The following BMP8A variants were observed in gnomAD, a reference collection of about 807,000 sequenced individuals.
The protein encoded by BMP8A is bone morphogenetic protein 8a.
Under a neutral mutation model 36.8 loss-of-function variants are expected in BMP8A, and 14 were observed. The ratio of observed to expected loss-of-function variants is 0.38; its 90% CI spans 0.25 to 0.60. BMP8A has a LOEUF of 0.60. Among genes scored for constraint, BMP8A ranks in the 20% least tolerant of loss-of-function variants. The pLI is 0.63. For synonymous variants in BMP8A, 120 were observed against 237.7 expected, an observed-to-expected ratio of 0.50 and a Z score of 4.55; for missense variants, 267 against 551.1, an observed-to-expected ratio of 0.48 and a Z score of 5.16.
At chr1:39,514,483 G>A (rs1645380262) in intron 3 of BMP8A, among the ~76,000 whole-genome samples, 2 of 150,856 alleles carry the variant, frequency 1.3e-5, no homozygotes, top group African/African-American at 2.5e-5. Flanking sequence ...CTCACTCTCC[G>A]GGTTGTCACA....
rs1247356146 is a variant in BMP8A at position 39,508,098 on chromosome 1, A to C, written c.335-3076A>C. ...AACCCTGTCTCTACTAAAAATACAAAAAATTAGCTAGGCGTGGTTGCTGGC... is the reference window on the plus strand; with the variant it reads ...AACCCTGTCTCTACTAAAAATACAACAAATTAGCTAGGCGTGGTTGCTGGC... On this transcript the variant is annotated intron_variant, in intron 1 of 6. Transcript: ENST00000331593. Among the ~76,000 whole-genome samples the C allele has an allele frequency of 8.5e-5, 13 of 152,240 alleles. 1 individual carries two copies.
At chr1:39,503,597 C>A (rs1225417538) in intron 1 of BMP8A, among the ~76,000 whole-genome samples, 1 of 145,848 alleles carries the variant, frequency 6.9e-6, no homozygotes, top group Non-Finnish European at 1.5e-5. Context: ...TCACTGCAAC[C>A]TCTACCTCCC....
In BMP8A at chr1:39,515,772, T is replaced by C; in HGVS notation, c.673+3868T>C. The C allele has an allele frequency of 8.8e-6, 14 of 1,592,466 alleles. 2 individuals are homozygous for C. In the Middle Eastern group the frequency reaches 5.0e-4, roughly 57 times the overall value. ...AAGGGGCAGAAATACGAGAAACGAA[T>C]TGAGCGCTTAACGATCCGGAAAGAG... On this transcript the variant is annotated intron_variant, in intron 3 of 6. Coordinates refer to ENST00000331593, the MANE Select transcript of BMP8A (RefSeq NM_181809.4).
intron 1 of BMP8A, among the ~76,000 whole-genome samples, chr1:39,499,002 G>A (rs1291189128): frequency 2.0e-5 from 3 of 152,372 alleles, no homozygotes; most frequent in Non-Finnish European, 4.4e-5. Context: ...AGAAGGGGCC[G>A]GGGCACCCCC....
In BMP8A at chr1:39,509,963, G is replaced by C. The variant is rs141161694; in HGVS notation, c.335-1211G>C. On this transcript the variant is annotated intron_variant, in intron 1 of 6. Coordinates refer to ENST00000331593, the MANE Select transcript of BMP8A (RefSeq NM_181809.4). ...TTTCCGGACACCTGGGGAAATGTGG[G>C]CTTTATTCCGCAACTACAGCCTTTG... Among the ~76,000 whole-genome samples, 730 of 152,166 alleles carry C rather than the reference G, an allele frequency of 4.8e-3. 3 individuals are homozygous for C. Among genetic ancestry groups the C allele is most frequent in the African/African-American group, 0.017 (696 of 41,540 alleles).
intron 1 of BMP8A, among the ~76,000 whole-genome samples, chr1:39,498,413 C>G (rs911664174): frequency 1.3e-5 from 2 of 152,232 alleles, no homozygotes; most frequent in Admixed American, 1.3e-4. Flanking sequence ...CTCCTGGGAT[C>G]TATTCTTGGC....
intron 1 of BMP8A, among the ~76,000 whole-genome samples, chr1:39,501,610 CA>C (rs1645254321): frequency 6.6e-6 from 1 of 152,192 alleles, no homozygotes; most frequent in African/African-American, 2.4e-5. Flanking sequence ...CAGCTCACTG[CA>C]ACCTCTGATG....
intron 1 of BMP8A, among the ~76,000 whole-genome samples, chr1:39,503,845 G>A (rs1024168650): frequency 1.3e-5 from 2 of 152,098 alleles, no homozygotes; most frequent in Non-Finnish European, 2.9e-5. Flanking sequence ...GGAGGCTGAG[G>A]TGGGAGGATC....
chr1:39,506,134 G>A (rs1210991351), intron 1 of BMP8A, among the ~76,000 whole-genome samples: 2 of 152,116 alleles, frequency 1.3e-5, no homozygotes, highest in Non-Finnish European at 2.9e-5. Flanking sequence ...ACAGAAAAAG[G>A]ATATTAGTAG....
rs575672357 is a variant in BMP8A at position 39,526,659 on chromosome 1, G to A, written c.*861G>A. On this transcript the variant is annotated 3_prime_UTR_variant, in exon 7 of 7. Coordinates refer to ENST00000331593, the MANE Select transcript of BMP8A (RefSeq NM_181809.4). ...GGCCACTGGGGATATTTTATGTCAT[G>A]TGTATTCCCTTGCCCTGGGCCTGCC... is the stretch of plus-strand genomic sequence containing the variant. Among the ~76,000 whole-genome samples, 1 of 152,304 alleles carries A rather than the reference G, an allele frequency of 6.6e-6. No homozygotes were observed. The highest frequency in any genetic ancestry group is 1.9e-4 in the East Asian group (1 of 5,182).
chr1:39,494,542 G>A (rs1018007457), intron 1 of BMP8A, among the ~76,000 whole-genome samples: 3 of 151,708 alleles, frequency 2.0e-5, no homozygotes, highest in Non-Finnish European at 2.9e-5. Context: ...TTGTAGAGAC[G>A]GGGAGTCTCA....
In BMP8A at chr1:39,523,654, TC is replaced by T. The variant is rs1318757330; in HGVS notation, c.1059+538del. 3.5e-5 allele frequency: 51 copies of T among 1,454,716 alleles called. No individual in the cohort carries two copies. The Admixed American group carries it at 3.6e-4, about 10-fold the overall frequency. 90.1% of individuals were successfully genotyped at this position (1,454,716 alleles called of 1,614,324 possible). ...GTTTCTCTCTTGGCTGTCTGTGTTT[TC>T]TCTGGATCCCCTGGCTTTTGATGCC... On this transcript the variant is annotated intron_variant, in intron 6 of 6. Transcript: ENST00000331593.
Position 39,491,870 on chromosome 1 carries a change from G to A in BMP8A, c.-122G>A, listed in dbSNP as rs1645160658. The A allele has an allele frequency of 3.4e-6, 3 of 889,578 alleles. No homozygotes were observed. Among genetic ancestry groups the A allele is most frequent in the East Asian group, 1.0e-4 (1 of 9,958 alleles). 55.1% of individuals were successfully genotyped at this position (889,578 alleles called of 1,614,324 possible). A position where few individuals can be genotyped will look rare whatever the true frequency, so the allele number is the denominator to read the frequency against. On this transcript the variant is annotated 5_prime_UTR_variant, in exon 1 of 7. Coordinates refer to ENST00000331593, the MANE Select transcript of BMP8A (RefSeq NM_181809.4). ...CAGGGACCGCGCTGAGGCCGCAGAC[G>A]CCGCCCGCCGAGCCCCGCCCCCTGC...
At chr1:39,523,460 G>T in intron 6 of BMP8A, 2 of 1,246,608 alleles carry the variant, frequency 1.6e-6, no homozygotes, top group East Asian at 2.8e-5. Context: ...ACTGTGTGGG[G>T]GCTGTGTGAT....
At chr1:39,494,467 C>T (rs1645187955) in intron 1 of BMP8A, among the ~76,000 whole-genome samples, 2 of 151,836 alleles carry the variant, frequency 1.3e-5, no homozygotes, top group African/African-American at 4.8e-5. Context: ...CTTCCTCCCT[C>T]AGCCTCCCCA....
In BMP8A at chr1:39,526,048, T is replaced by G; in HGVS notation, c.*250T>G. Reference sequence around the variant, plus strand: ...CAGCAGCCTCAGAGCCTGTGCTGACTGCACTGTCTGGAGTCAGCACAGAAG... The same window carrying G: ...CAGCAGCCTCAGAGCCTGTGCTGACGGCACTGTCTGGAGTCAGCACAGAAG... On this transcript the variant is annotated 3_prime_UTR_variant, in exon 7 of 7. Coordinates refer to ENST00000331593, the MANE Select transcript of BMP8A (RefSeq NM_181809.4). 1 of 580,596 alleles carries G rather than the reference T, an allele frequency of 1.7e-6. No homozygotes were observed. Among genetic ancestry groups the G allele is most frequent in the South Asian group, 2.1e-5 (1 of 47,798 alleles). 36.0% of individuals were successfully genotyped at this position (580,596 alleles called of 1,614,324 possible). A position where few individuals can be genotyped will look rare whatever the true frequency, so the allele number is the denominator to read the frequency against.
chr1:39,515,852 G>A lies in BMP8A; in HGVS notation c.673+3948G>A, dbSNP rs1354870981. ...CGCCAGGACGCGCATCATCAGACGC[G>A]CAGCTCTGGAATTTGAGGACGGCAT... On this transcript the variant is annotated intron_variant, in intron 3 of 6. Transcript: ENST00000331593. 4.4e-5 allele frequency: 70 copies of A among 1,579,898 alleles called. 5 individuals carry two copies. The highest frequency in any genetic ancestry group is 1.7e-4 in the Middle Eastern group (1 of 5,984).
intron 1 of BMP8A, among the ~76,000 whole-genome samples, chr1:39,497,569 C>G (rs1238944905): frequency 6.6e-6 from 1 of 152,206 alleles, no homozygotes; most frequent in Non-Finnish European, 1.5e-5. Context: ...ACCCCACAAT[C>G]CCACAGGGAC....
rs1645162803 is a variant in BMP8A, at chr1:39,492,033, G to T, written c.42G>T (p.Thr14=). ...RPGPLWLLGL[T]LCALGGGGPG... ...GACCGCTCTGGCTTCTGGGCCTGAC[G>T]TTGTGCGCGCTGGGCGGGGGCGGCC... Residue 14 remains threonine, a synonymous_variant, in exon 1 of 7, where the codon ACG becomes ACT. Transcript: ENST00000331593. 14 of 1,096,444 alleles carry T rather than the reference G, an allele frequency of 1.3e-5. No homozygotes were observed. The South Asian group carries it at 5.1e-4, about 40-fold the overall frequency. 67.9% of individuals were successfully genotyped at this position (1,096,444 alleles called of 1,614,324 possible).
Sources: allele counts gnomAD v4.1 joint callset (sites outside exome capture counted in the v4.1 genomes callset), GRCh38; gene constraint gnomAD v4.1.1; transcripts MANE v1.5; gene names NCBI Gene and HGNC (gene_info 2026-07-23, HGNC 2026-07-21).